Variants in MAP3K14 observed in about 807,000 individuals in gnomAD.
MAP3K14 encodes mitogen-activated protein kinase kinase kinase 14.
MAP3K14 carries 16 observed loss-of-function variants against 99.2 expected under a neutral mutation model. That is an observed-to-expected ratio of 0.16 (90% CI 0.11 to 0.24). The LOEUF is 0.24. Among genes scored for constraint, MAP3K14 ranks in the 10% least tolerant of loss-of-function variants. MAP3K14 has a pLI of 1.00. For missense variants in MAP3K14, 784 were observed against 1,208.7 expected, an observed-to-expected ratio of 0.65 and a Z score of 5.21; for synonymous variants, 462 against 492.4, an observed-to-expected ratio of 0.94 and a Z score of 0.82.
At chr17:45,275,449 G>A (rs1231798531) in intron 6 of MAP3K14, among the ~76,000 whole-genome samples, 2 of 145,126 alleles carry the variant, frequency 1.4e-5, no homozygotes, top group East Asian at 2.1e-4. Flanking sequence ...GCACCACTGC[G>A]CTCCAGTCTG....
chr17:45,265,273 G>A lies in MAP3K14; in HGVS notation c.2579-10C>T, dbSNP rs200536331. On this transcript the variant is annotated splice_polypyrimidine_tract_variant and intron_variant, in intron 14 of 15. Transcript: ENST00000344686. ...ATTTGGACTTTCACACCTAGAAGGC[G>A]GACAAGGTGATAGTCAGGAGAGCGG... 49 of 1,580,950 alleles carry A rather than the reference G, an allele frequency of 3.1e-5. No homozygotes were observed. Among genetic ancestry groups the A allele is most frequent in the Middle Eastern group, 1.7e-4 (1 of 6,018 alleles).
In MAP3K14 at chr17:45,299,032, A is replaced by G. The variant is rs547908624; in HGVS notation, c.-20-8267T>C. Among the ~76,000 whole-genome samples, 5 of 152,328 alleles carry G rather than the reference A, an allele frequency of 3.3e-5. No individual in the cohort carries two copies. The East Asian group carries it at 9.6e-4, about 29-fold the overall frequency. ...AAAGGTAAGGCACAGAGGTGAGTCAATGCAGCAATCACCAGCAGCTTGAAG... is the reference window on the plus strand; with the variant it reads ...AAAGGTAAGGCACAGAGGTGAGTCAGTGCAGCAATCACCAGCAGCTTGAAG... On this transcript the variant is annotated intron_variant, in intron 1 of 15. Transcript: ENST00000344686.
At chr17:45,313,252 T>C (rs116093769) in intron 1 of MAP3K14, among the ~76,000 whole-genome samples, 5,089 of 152,208 alleles carry the variant, frequency 0.033, 216 homozygotes, top group African/African-American at 0.096. Flanking sequence ...AATGCAGTAA[T>C]TGGCAACTAC....
At chr17:45,293,448 C>T (rs947056176) in intron 1 of MAP3K14, among the ~76,000 whole-genome samples, 2 of 152,204 alleles carry the variant, frequency 1.3e-5, no homozygotes, top group African/African-American at 4.8e-5. Flanking sequence ...TCTGTGAGCA[C>T]ACCAGGCTCC....
rs766362606 is a variant in MAP3K14 at position 45,264,343 on chromosome 17, G to C, written c.*293C>G. 2.2e-5 allele frequency: 7 copies of C among 322,982 alleles called. No individual in the cohort carries two copies. Among genetic ancestry groups the C allele is most frequent in the Admixed American group, 4.6e-5 (1 of 21,940 alleles). The allele number at this position is 322,982 out of a possible 1,614,324, so 20.0% of individuals were successfully genotyped here. A position where few individuals can be genotyped will look rare whatever the true frequency, so the allele number is the denominator to read the frequency against. ...TGATCCAAGCGGGTCAGGCCAACTC[G>C]ACTGGAGCAGGGCAGAGAAGATCCT... On this transcript the variant is annotated 3_prime_UTR_variant, in exon 16 of 16. Transcript: ENST00000344686.
At chr17:45,310,158 C>A (rs561731049) in intron 1 of MAP3K14, among the ~76,000 whole-genome samples, 2 of 151,838 alleles carry the variant, frequency 1.3e-5, no homozygotes, top group Non-Finnish European at 2.9e-5. Flanking sequence ...CCCAGCCTCC[C>A]GAGTAGCTGG....
chr17:45,284,777 T>C, intron 6 of MAP3K14, 35 bp downstream of exon 6: 1 of 1,564,748 alleles, frequency 6.4e-7, no homozygotes, highest in Non-Finnish European at 8.7e-7. Flanking sequence ...CCTTCCTGGC[T>C]TCCCTCTTCA....
chr17:45,314,950 A>G (rs1218004894), intron 1 of MAP3K14, among the ~76,000 whole-genome samples: 2 of 151,950 alleles, frequency 1.3e-5, no homozygotes, highest in Admixed American at 6.6e-5. Context: ...TAAAGCTTTC[A>G]TCTCTTTCAC....
rs946043814 is a variant in MAP3K14, at chr17:45,272,942, T to C, written c.1657+561A>G. 3.9e-5 allele frequency among the ~76,000 whole-genome samples: 6 copies of C among 152,118 alleles called. No homozygotes were observed. Among genetic ancestry groups the C allele is most frequent in the African/African-American group, 1.2e-4 (5 of 41,434 alleles). On this transcript the variant is annotated intron_variant, in intron 9 of 15. Coordinates refer to ENST00000344686, the MANE Select transcript of MAP3K14 (RefSeq NM_003954.5). This position sits in a 1 kb window ranked among gnomAD's most constrained non-coding sequence, Gnocchi z 4.1. ...GTGACAGAGTGAGACTCTGTCTCAA[T>C]GAAAACAACAAAAAAATTTGTGATT...
intron 10 of MAP3K14, 54 bp from the exon 11 acceptor site, chr17:45,270,617 C>T (rs34887927): frequency 1.5e-5 from 22 of 1,495,670 alleles, no homozygotes; most frequent in East Asian, 4.8e-5. Context: ...TCCTGATACC[C>T]GGCTGTTATT....
chr17:45,270,939 TG>T, intron 10 of MAP3K14, 118 bp downstream of exon 10: 1 of 1,358,248 alleles, frequency 7.4e-7, no homozygotes, highest in East Asian at 2.5e-5. Flanking sequence ...GGATCCCACA[TG>T]GATGACCAGG....
chr17:45,287,973 T>C (rs2044280713), intron 3 of MAP3K14, among the ~76,000 whole-genome samples: 1 of 152,212 alleles, frequency 6.6e-6, no homozygotes, highest in Admixed American at 6.5e-5. Flanking sequence ...TCGGGGCTCA[T>C]CACTGCCATG....
rs2044035739 is a variant in MAP3K14 at position 45,263,446 on chromosome 17, G to C, written c.*1190C>G. ...GAGGCTAAGCTGGGGCAATGGGGAA[G>C]GGGGTGCTATTCTTAGAGAAATCTG... On this transcript the variant is annotated 3_prime_UTR_variant, in exon 16 of 16. Transcript: ENST00000344686. 6.5e-6 allele frequency: 1 copy of C among 153,116 alleles called. No homozygotes were observed. Among genetic ancestry groups the C allele is most frequent in the Non-Finnish European group, 1.5e-5 (1 of 68,470 alleles). The allele number at this position is 153,116 out of a possible 1,614,324, so 9.5% of individuals were successfully genotyped here.
intron 10 of MAP3K14, 91 bp from the exon 11 acceptor site, chr17:45,270,654 C>T: frequency 7.0e-7 from 1 of 1,422,910 alleles, no homozygotes; most frequent in South Asian, 1.5e-5. Context: ...CCGCCGGCCC[C>T]TGTTCCCGCT....
chr17:45,305,282 G>A (rs185271194), intron 1 of MAP3K14, among the ~76,000 whole-genome samples: 22 of 152,010 alleles, frequency 1.4e-4, no homozygotes, highest in East Asian at 1.2e-3. Flanking sequence ...ATTTTTAGTA[G>A]AGACAGGATT....
chr17:45,290,855 G>A, intron 1 of MAP3K14, 90 bp from the exon 2 acceptor site: 2 of 1,289,808 alleles, frequency 1.6e-6, no homozygotes, highest in Non-Finnish European at 2.2e-6. Flanking sequence ...AAAGGCAGGG[G>A]CAAAGGGTCT....
At chr17:45,270,973 C>T in intron 10 of MAP3K14, 85 bp downstream of exon 10, 1 of 1,523,238 alleles carries the variant, frequency 6.6e-7, no homozygotes, top group Non-Finnish European at 8.8e-7. Flanking sequence ...CCATCTGCCA[C>T]CGCAGAGCAG....
At chr17:45,293,437 C>G (rs1170309106) in intron 1 of MAP3K14, among the ~76,000 whole-genome samples, 1 of 152,204 alleles carries the variant, frequency 6.6e-6, no homozygotes. Context: ...TCCAGCGCCC[C>G]TCTGTGAGCA....
At chr17:45,265,626 C>G (rs1018376471) in intron 14 of MAP3K14, among the ~76,000 whole-genome samples, 1 of 151,958 alleles carries the variant, frequency 6.6e-6, no homozygotes. Context: ...TTAGTAGAGA[C>G]GGGGTTTCAC....
Sources: gnomAD v4.1 joint callset for allele counts (sites outside exome capture counted in the v4.1 genomes callset) on GRCh38, gnomAD v4.1.1 for gene constraint, Gnocchi (gnomAD v3.1) non-coding constraint, MANE v1.5 for transcripts, NCBI Gene and HGNC (gene_info 2026-07-23, HGNC 2026-07-21) for gene names.